AIM2: variants seen among roughly 807,000 people sequenced by gnomAD.
AIM2 encodes absent in melanoma 2.
Under a neutral mutation model 27.7 loss-of-function variants are expected in AIM2, and 30 were observed. The observed-to-expected ratio is 1.08, with a 90% CI of 0.81 to 1.47. The LOEUF (loss-of-function observed/expected upper bound fraction) is 1.47, where lower values mean the gene tolerates loss of function less well. Among genes scored for constraint, AIM2 ranks in the 40% most tolerant of loss-of-function variants. The pLI, the probability that AIM2 is intolerant of heterozygous loss-of-function variation, is 0.00. For synonymous variants in AIM2, 141 were observed against 145.3 expected (o/e 0.97, Z 0.21); for missense variants, 358 against 411.3 (o/e 0.87, Z 1.12).
chr1:159,101,667 T>A (rs963369089), intron 1 of AIM2, among the ~76,000 whole-genome samples: 1 of 152,288 alleles, frequency 6.6e-6, no homozygotes, highest in Non-Finnish European at 1.5e-5. Flanking sequence ...CAGGCTGAGG[T>A]GGTCTCAGAT....
rs1466332210 is a variant in AIM2 at position 159,068,578 on chromosome 1, G to A, written c.386C>T (p.Pro129Leu). The A allele has an allele frequency of 2.5e-6, 4 of 1,612,406 alleles. No individual in the cohort carries two copies. The African/African-American group carries it at 5.3e-5, about 22-fold the overall frequency. The change falls in exon 3 of 6, where the codon CCT becomes CTT. Residue 129 changes from proline to leucine, a missense_variant. Pro to Leu is a moderately conservative substitution (Grantham distance 98). Coordinates refer to ENST00000368130, the MANE Select transcript of AIM2 (RefSeq NM_004833.3). ...AKQRAAPKVS[P>L]HVKPEQKQMV... Reference sequence around the variant, plus strand: ...CTCTCCTTATCCTACCTTAACATGAGGAGAGACTTTTGGTGCAGCACGTTG... The same window carrying A: ...CTCTCCTTATCCTACCTTAACATGAAGAGAGACTTTTGGTGCAGCACGTTG...
intron 1 of AIM2, among the ~76,000 whole-genome samples, chr1:159,118,237 C>T (rs540294570): frequency 6.6e-6 from 1 of 152,252 alleles, no homozygotes; most frequent in Admixed American, 6.5e-5. Context: ...AATTTTAAAC[C>T]AGAATAAAAC....
intron 1 of AIM2, among the ~76,000 whole-genome samples, chr1:159,127,658 C>G (rs1404345821): frequency 6.6e-6 from 1 of 152,166 alleles, no homozygotes; most frequent in Admixed American, 6.5e-5. Flanking sequence ...CATAAGTGCT[C>G]TTATGAAAGA....
intron 1 of AIM2, among the ~76,000 whole-genome samples, chr1:159,114,829 C>T (rs369231658): frequency 1.3e-3 from 205 of 152,190 alleles, no homozygotes; most frequent in African/African-American, 4.7e-3. Context: ...GAAGTTCTGG[C>T]CAGGGCAATC....
chr1:159,111,268 G>C (rs1034586023), intron 1 of AIM2, among the ~76,000 whole-genome samples: 8 of 152,174 alleles, frequency 5.3e-5, no homozygotes, highest in African/African-American at 1.9e-4. Flanking sequence ...TTTGGAAAGT[G>C]CTGGGTATGT....
At chr1:159,066,674 T>C (rs572817582) in intron 3 of AIM2, among the ~76,000 whole-genome samples, 1 of 152,354 alleles carries the variant, frequency 6.6e-6, no homozygotes, top group Non-Finnish European at 1.5e-5. Flanking sequence ...ACAAATCTGA[T>C]TCCATCTTCT....
intron 1 of AIM2, among the ~76,000 whole-genome samples, chr1:159,097,904 A>C (rs186412016): frequency 6.6e-6 from 1 of 152,306 alleles, no homozygotes; most frequent in East Asian, 1.9e-4. Flanking sequence ...ATTCTGAGAC[A>C]GTGTTACATT....
intron 1 of AIM2, among the ~76,000 whole-genome samples, chr1:159,082,248 T>C (rs1215220812): frequency 1.3e-5 from 2 of 152,342 alleles, no homozygotes; most frequent in East Asian, 3.9e-4. Flanking sequence ...ACCTAGCTGA[T>C]AATTATAATA....
At position 159,145,768 on chromosome 1, in the gene AIM2, T is replaced by C. The variant is rs375168825; in HGVS notation, n.87+1242A>G. On this transcript the variant is annotated intron_variant and non_coding_transcript_variant, in intron 1 of 6. Transcript: ENST00000411768. ...TCTGGAGGTAGAATCTCCCTTTCCT[T>C]ATTACCTCCCACCCACCTCTGACAG... Among the ~76,000 whole-genome samples, 4 of 152,130 alleles carry C rather than the reference T, an allele frequency of 2.6e-5. No homozygotes were observed. The South Asian group carries it at 8.3e-4, about 32-fold the overall frequency.
chr1:159,135,077 G>GTAAAA (rs1228557627), intron 1 of AIM2, among the ~76,000 whole-genome samples: 1 of 152,168 alleles, frequency 6.6e-6, no homozygotes, highest in Non-Finnish European at 1.5e-5. Flanking sequence ...ATTTACCATT[G>GTAAAA]CAGCTTTACA....
upstream of AIM2, among the ~76,000 whole-genome samples, chr1:159,141,193 A>G (rs2102059409): frequency 6.6e-6 from 1 of 152,312 alleles, no homozygotes; most frequent in Admixed American, 6.5e-5. Flanking sequence ...AACCCTGGTC[A>G]AGGAAGGTGT....
At chr1:159,123,829 T>C (rs1174105049) in intron 1 of AIM2, among the ~76,000 whole-genome samples, 6 of 152,200 alleles carry the variant, frequency 3.9e-5, no homozygotes, top group African/African-American at 7.2e-5. Context: ...ACCTACGACC[T>C]GCCACATATA....
chr1:159,145,242 A>G (rs111727044), upstream of AIM2, among the ~76,000 whole-genome samples: 6,017 of 152,232 alleles, frequency 0.04, 337 homozygotes, highest in African/African-American at 0.12. Context: ...GGTAAAATGG[A>G]CATACATACC....
chr1:159,106,068 C>A (rs775048561), intron 1 of AIM2, among the ~76,000 whole-genome samples: 3 of 152,174 alleles, frequency 2.0e-5, no homozygotes, highest in Non-Finnish European at 4.4e-5. Context: ...CTTTGCTCCA[C>A]ACTGGAGCAG....
chr1:159,113,102 G>A (rs1165654642), intron 1 of AIM2, among the ~76,000 whole-genome samples: 5 of 151,784 alleles, frequency 3.3e-5, no homozygotes, highest in Admixed American at 6.6e-5. Flanking sequence ...CCGCCACCAC[G>A]CCCAGCTAAT....
Position 159,073,510 on chromosome 1 carries a change from T to C in AIM2, c.-11A>G. On this transcript the variant is annotated 5_prime_UTR_variant, in exon 2 of 6. Transcript: ENST00000368130. ...GTATTTACTCTCCATCTGACAACTTTGGGATCAGCCTATAAGGAATCCAAA... is the reference window on the plus strand; with the variant it reads ...GTATTTACTCTCCATCTGACAACTTCGGGATCAGCCTATAAGGAATCCAAA... 5.0e-6 allele frequency: 8 copies of C among 1,612,610 alleles called. No homozygotes were observed. The highest frequency in any genetic ancestry group is 6.8e-6 in the Non-Finnish European group (8 of 1,179,066).
intron 1 of AIM2, among the ~76,000 whole-genome samples, chr1:159,102,319 C>T (rs1210761809): frequency 6.6e-6 from 1 of 152,194 alleles, no homozygotes; most frequent in Non-Finnish European, 1.5e-5. Context: ...ATGGAAATGT[C>T]TGCGTGTCTA....
At chr1:159,122,485 C>G (rs1419674650) in intron 1 of AIM2, 1 of 152,208 alleles carries the variant, frequency 6.6e-6, no homozygotes, top group Non-Finnish European at 1.5e-5. Context: ...CAACTGGAAG[C>G]AAGGGAGTCT....
intron 1 of AIM2, among the ~76,000 whole-genome samples, chr1:159,127,161 A>G (rs1647716185): frequency 6.6e-6 from 1 of 152,260 alleles, no homozygotes; most frequent in Non-Finnish European, 1.5e-5. Flanking sequence ...GAGAGTCTTC[A>G]AAGAACTAGT....
Sources: allele counts gnomAD v4.1 joint callset (sites outside exome capture counted in the v4.1 genomes callset), GRCh38; gene constraint gnomAD v4.1.1; transcripts MANE v1.5; gene names NCBI Gene and HGNC (gene_info 2026-07-23, HGNC 2026-07-21).